GAS2L2: variants seen among roughly 807,000 people sequenced by gnomAD.
GAS2L2 encodes the protein growth arrest specific 2 like 2, also known as GAS2-like protein 2.
A neutral mutation model predicts 35.2 loss-of-function variants in GAS2L2; 21 were observed. The observed-to-expected ratio is 0.60, with a 90% CI of 0.42 to 0.86. The LOEUF (loss-of-function observed/expected upper bound fraction) is 0.86. Among genes scored for constraint, GAS2L2 ranks in the 40% least tolerant of loss-of-function variants. The pLI is 0.00. For missense variants in GAS2L2, 1,169 were observed against 1,144.4 expected (o/e 1.02, Z -0.31); for synonymous variants, 490 against 473.2 (o/e 1.04, Z -0.46).
Position 35,746,011 on chromosome 17 carries a change from G to A in GAS2L2, c.1486C>T (p.Pro496Ser), listed in dbSNP as rs138939025. Residue 496 changes from proline (P) to serine (S), a missense_variant, in exon 6 of 6, where the codon CCT becomes TCT. By Grantham distance (74) the Pro-to-Ser change is moderately conservative. This residue lies in a region of GAS2L2 where 1,035 missense variants were observed against 976.5 expected (regional missense o/e 1.06). Coordinates refer to ENST00000604641, the MANE Select transcript of GAS2L2 (RefSeq NM_139285.4). ...REPESVRSPT[P>S]VQGLTKIPIR... ...GGGATCTTGGTTAGGCCTTGGACAG[G>A]GGTTGGAGAACGGACAGACTCTGGC... is the stretch of plus-strand genomic sequence containing the variant. 1.3e-5 allele frequency: 21 copies of A among 1,568,078 alleles called. No individual in the cohort carries two copies. The highest frequency in any genetic ancestry group is 1.6e-5 in the Non-Finnish European group (18 of 1,154,790).
In GAS2L2 at chr17:35,746,188, G is replaced by A. The variant is rs1555598947; in HGVS notation, c.1309C>T (p.Pro437Ser). The A allele has an allele frequency of 6.7e-7, 1 of 1,482,492 alleles. No individual in the cohort carries two copies. The highest frequency in any genetic ancestry group is 1.6e-5 in the South Asian group (1 of 64,298). 91.8% of individuals were successfully genotyped at this position (1,482,492 alleles called of 1,614,324 possible). ...SWGTDAGNPT[P>S]QRLRAIEATT... is the part of the protein sequence containing the mutation. ...GCCTCAATGGCTCGGAGTCTTTGTGGGGTGGGGTTCCCGGCGTCGGTTCCC... is the reference window on the plus strand; with the variant it reads ...GCCTCAATGGCTCGGAGTCTTTGTGAGGTGGGGTTCCCGGCGTCGGTTCCC... Residue 437 changes from proline to serine, a missense_variant, in exon 6 of 6, where the codon CCA becomes TCA. Physicochemically the swap from Pro to Ser is moderately conservative, Grantham distance 74. This residue lies in a region of GAS2L2 where 1,035 missense variants were observed against 976.5 expected (regional missense o/e 1.06). Transcript: ENST00000604641.
chr17:35,745,807 G>T lies in GAS2L2; in HGVS notation c.1690C>A (p.Leu564Met). 6.2e-7 allele frequency: 1 copy of T among 1,613,842 alleles called. No homozygotes were observed. Among genetic ancestry groups the T allele is most frequent in the Middle Eastern group, 1.6e-4 (1 of 6,062 alleles). ...SVEVRQEDQQ[L>M]DIQVMAEARE... ...GCCTCTGCCATGACCTGGATGTCCA[G>T]CTGCTGGTCCTCCTGCCTCACTTCC... The change falls in exon 6 of 6, where the codon CTG becomes ATG. Residue 564 changes from leucine (L) to methionine (M), a missense_variant. Around this residue, in one of 3 missense-constraint regions of GAS2L2, gnomAD observed 1,035 missense variants for 976.5 expected, o/e 1.06. Transcript: ENST00000604641.
At position 35,745,738 on chromosome 17, in the gene GAS2L2, A is replaced by ACCG. The variant is rs781831135; in HGVS notation, c.1756_1758dup (p.Arg586dup). 4.3e-6 allele frequency: 7 copies of ACCG among 1,613,622 alleles called. No homozygotes were observed. The African/African-American group carries it at 8.0e-5, about 18-fold the overall frequency. On this transcript the variant is annotated inframe_insertion, in exon 6 of 6. Transcript: ENST00000604641. Reference sequence around the variant, plus strand: ...TTCCCGCCCAAGGGCAGAGGTGTGTACCGCCCCTCCTGCTCCTGTAGGCCC... The same window carrying ACCG: ...TTCCCGCCCAAGGGCAGAGGTGTGTACCGCCGCCCCTCCTGCTCCTGTAGGCCC...
rs1293387467 is a variant in GAS2L2, at chr17:35,752,704, G to A, written c.147C>T (p.Asp49=). The A allele has an allele frequency of 1.9e-6, 3 of 1,613,890 alleles. No individual in the cohort carries two copies. Among genetic ancestry groups the A allele is most frequent in the Non-Finnish European group, 2.5e-6 (3 of 1,180,050 alleles). Residue 49 remains aspartate, a synonymous_variant, in exon 1 of 6, where the codon GAC becomes GAT. Transcript: ENST00000604641. The part of the protein sequence containing the change: ...AEWLRDLYGL[D]IDAANFLQVL... Reference sequence around the variant, plus strand: ...CCTGCAGGAAGTTGGCTGCGTCGATGTCCAGCCCATAGAGGTCGCGAAGCC... The same window carrying A: ...CCTGCAGGAAGTTGGCTGCGTCGATATCCAGCCCATAGAGGTCGCGAAGCC...
chr17:35,747,219 A>G lies in GAS2L2; in HGVS notation c.882T>C (p.His294=). Residue 294 remains histidine (H), a synonymous_variant, in exon 5 of 6, where the codon CAT becomes CAC. Coordinates refer to ENST00000604641, the MANE Select transcript of GAS2L2 (RefSeq NM_139285.4). ...AGGGTCCATCCTGTACCCTTACTTC[A>G]TGCTGCACTGGTGGGGCCGGGGGCT... The part of the protein sequence containing the change: ...FLKPPAPPVQ[H]EVRVQDGPSQ... 6.2e-7 allele frequency: 1 copy of G among 1,613,740 alleles called. No homozygotes were observed. The highest frequency in any genetic ancestry group is 8.5e-7 in the Non-Finnish European group (1 of 1,179,846).
chr17:35,750,160 C>G lies in GAS2L2; in HGVS notation c.544G>C (p.Glu182Gln), dbSNP rs781892521. The G allele has an allele frequency of 1.2e-6, 2 of 1,611,122 alleles. No homozygotes were observed. Among genetic ancestry groups the G allele is most frequent in the East Asian group, 4.5e-5 (2 of 44,782 alleles). ...EEEIEEEVRR[E>Q]LALPPPDPSP... ...GGGTCGGGCGGGGGCAGGGCCAGCTCCCGCCGCACCTCCTCCTCGATCTCC... is the reference window on the plus strand; with the variant it reads ...GGGTCGGGCGGGGGCAGGGCCAGCTGCCGCCGCACCTCCTCCTCGATCTCC... Residue 182 changes from glutamate to glutamine, a missense_variant, in exon 2 of 6, where the codon GAG becomes CAG. Transcript: ENST00000604641.
chr17:35,751,947 C>T (rs1228079806), intron 1 of GAS2L2, among the ~76,000 whole-genome samples: 2 of 148,610 alleles, frequency 1.3e-5, no homozygotes, highest in African/African-American at 5.0e-5. Context: ...ACCTCTGCCT[C>T]CTGGGTTCAG....
intron 1 of GAS2L2, 24 bp from the exon 2 acceptor site, chr17:35,750,342 G>A: frequency 6.2e-7 from 1 of 1,613,820 alleles, no homozygotes; most frequent in Non-Finnish European, 8.5e-7. Flanking sequence ...GGGGAGAAAA[G>A]GGCAGAGGCA....
chr17:35,748,398 G>T (rs1214783447), intron 3 of GAS2L2, among the ~76,000 whole-genome samples: 1 of 152,196 alleles, frequency 6.6e-6, no homozygotes, highest in African/African-American at 2.4e-5. Flanking sequence ...ACAGGTTCTT[G>T]CCCCTATCTG....
In GAS2L2 at chr17:35,745,534, TG is replaced by T; in HGVS notation, c.1962del (p.Ile655SerfsTer55). On this transcript the variant is annotated frameshift_variant, in exon 6 of 6. Transcript: ENST00000604641. LOFTEE classifies it low-confidence loss of function (END_TRUNC). The part of the protein sequence containing the change: ...WPEPGGPYDK[A>X]IQELAQGSPS... ...GGGGACCCCTGAGCCAGTTCTTGGA[TG>T]GCTTTGTCATAAGGACCCCCAGGCT... 1 of 1,612,414 alleles carries T rather than the reference TG, an allele frequency of 6.2e-7. No individual in the cohort carries two copies. Among genetic ancestry groups the T allele is most frequent in the Non-Finnish European group, 8.5e-7 (1 of 1,179,004 alleles).
At position 35,750,069 on chromosome 17, in the gene GAS2L2, C is replaced by CCCCT. The variant is rs2085693159; in HGVS notation, c.627+4_627+7dup. On this transcript the variant is annotated splice_region_variant and intron_variant, in intron 2 of 5. Transcript: ENST00000604641. ...GGGGGCCCTGAGGGCGTGTGCAGAG[C>CCCCT]CCCTCACCATCTGGTCCAGGTTGCG... is the stretch of plus-strand genomic sequence containing the variant. 3 of 1,603,216 alleles carry CCCCT rather than the reference C, an allele frequency of 1.9e-6. No individual in the cohort carries two copies. The highest frequency in any genetic ancestry group is 2.6e-6 in the Non-Finnish European group (3 of 1,176,020).
Position 35,745,689 on chromosome 17 carries a change from C to A in GAS2L2, c.1808G>T (p.Ser603Ile). The A allele has an allele frequency of 1.2e-6, 2 of 1,613,998 alleles. No individual in the cohort carries two copies. Among genetic ancestry groups the A allele is most frequent in the South Asian group, 1.1e-5 (1 of 91,092 alleles). Reference sequence around the variant, plus strand: ...GTTGCCCAAAATCTCCTCTTCAAGGCTACAGTAGATGGCTTGCTCCTTGTT... The same window carrying A: ...GTTGCCCAAAATCTCCTCTTCAAGGATACAGTAGATGGCTTGCTCCTTGTT... ...GGNKEQAIYC[S>I]LEEEILGNMK... is the part of the protein sequence containing the mutation. The change falls in exon 6 of 6, where the codon AGC becomes ATC. Residue 603 changes from serine to isoleucine, a missense_variant. Physicochemically the swap from Ser to Ile is moderately radical, Grantham distance 142. Coordinates refer to ENST00000604641, the MANE Select transcript of GAS2L2 (RefSeq NM_139285.4).
intron 1 of GAS2L2, among the ~76,000 whole-genome samples, chr17:35,750,586 A>G (rs587724566): frequency 1.2e-4 from 18 of 152,282 alleles, no homozygotes; most frequent in Admixed American, 5.2e-4. Context: ...AGCAAAGCAA[A>G]GGGACCTGGA....
At position 35,752,830 on chromosome 17, in the gene GAS2L2, G is replaced by C. The variant is rs782592755; in HGVS notation, c.21C>G (p.Gly7=). The change falls in exon 1 of 6, where the codon GGC becomes GGG. Residue 7 remains glycine, a synonymous_variant. Transcript: ENST00000604641. ...GCCCTAGGGTCCTGGGCTTCCTCCT[G>C]CCTCCCGCAGGCTGGGACATGGCTG... MSQPAG[G]RRKPRTLGPP... The C allele has an allele frequency of 5.6e-6, 9 of 1,598,760 alleles. No homozygotes were observed. In the South Asian group the frequency reaches 9.9e-5, roughly 18 times the overall value.
chr17:35,745,222 T>A lies in GAS2L2; in HGVS notation c.2275A>T (p.Arg759Trp). The change falls in exon 6 of 6, where the codon AGG becomes TGG. Residue 759 changes from arginine to tryptophan, a missense_variant. Around this residue, in one of 3 missense-constraint regions of GAS2L2, gnomAD observed 1,035 missense variants for 976.5 expected, o/e 1.06. Transcript: ENST00000604641. ...CTCTTGGGCTTCCGGAGAGTTCTCC[T>A]GCCCTTGCTCAGACATGCCTTGGCT... ...DKAKACLSKGRRTLRKPKRVP... is the reference protein window; with the variant it reads ...DKAKACLSKGWRTLRKPKRVP... 6.2e-7 allele frequency: 1 copy of A among 1,606,140 alleles called. No homozygotes were observed. The highest frequency in any genetic ancestry group is 8.5e-7 in the Non-Finnish European group (1 of 1,174,876).
chr17:35,751,230 T>C (rs1460281739), intron 1 of GAS2L2, among the ~76,000 whole-genome samples: 1 of 152,156 alleles, frequency 6.6e-6, no homozygotes, highest in Non-Finnish European at 1.5e-5. Context: ...ATCTGTCTCC[T>C]CCCATGTTCT....
intron 2 of GAS2L2, among the ~76,000 whole-genome samples, chr17:35,749,437 G>A (rs1388086190): frequency 6.6e-6 from 1 of 152,252 alleles, no homozygotes; most frequent in Non-Finnish European, 1.5e-5. Flanking sequence ...GCTGATGGAA[G>A]CGGCAGAGTG....
chr17:35,746,461 G>A, intron 5 of GAS2L2, 50 bp from the exon 6 acceptor site: 1 of 1,226,686 alleles, frequency 8.2e-7, no homozygotes, highest in Non-Finnish European at 1.1e-6. Flanking sequence ...CAGGCCGGCA[G>A]GGTCATCTAG....
chr17:35,746,618 G>T (rs1475854841), intron 5 of GAS2L2, among the ~76,000 whole-genome samples: 1 of 152,070 alleles, frequency 6.6e-6, no homozygotes, highest in African/African-American at 2.4e-5. Context: ...AAGTCTATTC[G>T]CCCTTGTTCC....
Sources: gnomAD v4.1 joint callset for allele counts (sites outside exome capture counted in the v4.1 genomes callset) on GRCh38, gnomAD v4.1.1 for gene constraint, gnomAD v4.1.1 regional missense constraint, MANE v1.5 for transcripts, NCBI Gene and HGNC (gene_info 2026-07-23, HGNC 2026-07-21) for gene names.